LRP1B: variants seen among roughly 807,000 people sequenced by gnomAD.
LRP1B encodes LDL receptor related protein 1B, also known as low-density lipoprotein receptor-related protein 1B.
In LRP1B, 217 loss-of-function variants were observed where a neutral mutation model predicts 556.6. That is an observed-to-expected ratio of 0.39 (90% confidence interval 0.35 to 0.44). The LOEUF (loss-of-function observed/expected upper bound fraction) is 0.44. LRP1B is among the 20% of genes least tolerant of loss of function. The pLI is 1.00. For synonymous variants in LRP1B, 2,047 were observed against 1,865.8 expected (o/e 1.10, Z -2.50); for missense variants, 5,053 against 5,620.8 (o/e 0.90, Z 3.23).
chr2:141,968,137 C>A (rs1388954993), intron 1 of LRP1B, among the ~76,000 whole-genome samples: 1 of 151,782 alleles, frequency 6.6e-6, no homozygotes, highest in East Asian at 1.9e-4. Flanking sequence ...TAATCCAGTG[C>A]TAAATGTGCA....
At chr2:141,802,215 A>G (rs890664184) in intron 2 of LRP1B, among the ~76,000 whole-genome samples, 1 of 152,118 alleles carries the variant, frequency 6.6e-6, no homozygotes, top group Non-Finnish European at 1.5e-5. Context: ...AATGTGTCTC[A>G]GTTTGAGGGA....
chr2:141,954,542 A>T (rs776199171), intron 1 of LRP1B, among the ~76,000 whole-genome samples: 4 of 152,146 alleles, frequency 2.6e-5, no homozygotes, highest in Non-Finnish European at 5.9e-5. Context: ...AAATTATGGT[A>T]CTCATCTCAA....
intron 52 of LRP1B, among the ~76,000 whole-genome samples, chr2:140,507,990 T>C (rs1689492798): frequency 1.3e-5 from 2 of 152,168 alleles, no homozygotes; most frequent in Admixed American, 1.3e-4. Flanking sequence ...ATTTTAAGTA[T>C]TTAATACATG....
At chr2:141,077,270 A>C (rs926003599) in intron 7 of LRP1B, among the ~76,000 whole-genome samples, 2 of 56,716 alleles carry the variant, frequency 3.5e-5, no homozygotes, top group Admixed American at 3.9e-4. Flanking sequence ...AAACAAAAAC[A>C]AACAAACAAA....
In LRP1B at chr2:140,370,691, A is replaced by G. The variant is rs759211957; in HGVS notation, c.11008+19T>C. The G allele has an allele frequency of 9.9e-6, 16 of 1,611,438 alleles. No homozygotes were observed. The highest frequency in any genetic ancestry group is 1.3e-5 in the African/African-American group (1 of 74,788). On this transcript the variant is annotated intron_variant, in intron 71 of 90. Coordinates refer to ENST00000389484, the MANE Select transcript of LRP1B (RefSeq NM_018557.3). Reference sequence around the variant, plus strand: ...TTCATTCTCTCATTTACAGGCACACACACACAAAAATACCTTACCTCTTTC... The same window carrying G: ...TTCATTCTCTCATTTACAGGCACACGCACACAAAAATACCTTACCTCTTTC...
At chr2:141,420,929 T>C (rs1011344367) in intron 3 of LRP1B, among the ~76,000 whole-genome samples, 23 of 152,170 alleles carry the variant, frequency 1.5e-4, no homozygotes, top group Non-Finnish European at 7.3e-5. Flanking sequence ...CCTTGAAAGA[T>C]AGTAAATTGG....
intron 2 of LRP1B, among the ~76,000 whole-genome samples, chr2:141,490,400 T>TGTGTGTGTGTGTGTGTG (rs66605553): frequency 4.6e-5 from 7 of 150,990 alleles, no homozygotes; most frequent in East Asian, 3.9e-4. Flanking sequence ...TGTGTGTGTG[T>TGTGTGTGTGTGTGTGTG]TTTCTGCTAA....
chr2:140,352,938 T>G lies in LRP1B; in HGVS notation c.11650+15A>C. ...AAAATTGTAATAGGATTTGCAATAGTGGTTATAATCTTACCTTCTGCTATG... is the reference window on the plus strand; with the variant it reads ...AAAATTGTAATAGGATTTGCAATAGGGGTTATAATCTTACCTTCTGCTATG... On this transcript the variant is annotated intron_variant, in intron 76 of 90. Transcript: ENST00000389484. 6.3e-7 allele frequency: 1 copy of G among 1,599,108 alleles called. No individual in the cohort carries two copies. Among genetic ancestry groups the G allele is most frequent in the Non-Finnish European group, 8.5e-7 (1 of 1,175,156 alleles).
At chr2:140,289,547 A>G (rs1196290607) in intron 84 of LRP1B, among the ~76,000 whole-genome samples, 2 of 151,724 alleles carry the variant, frequency 1.3e-5, no homozygotes, top group African/African-American at 4.8e-5. Flanking sequence ...TTTCTAATAA[A>G]TTTCCTTTTA....
chr2:142,061,029 C>T (rs1445321044), intron 1 of LRP1B, among the ~76,000 whole-genome samples: 1 of 151,844 alleles, frequency 6.6e-6, no homozygotes, highest in Non-Finnish European at 1.5e-5. Context: ...TGAATGAAAG[C>T]AGGGCTACTA....
At chr2:141,937,934 T>C (rs994713513) in intron 1 of LRP1B, among the ~76,000 whole-genome samples, 3 of 152,330 alleles carry the variant, frequency 2.0e-5, no homozygotes, top group South Asian at 2.1e-4. Context: ...CCTGAAACAA[T>C]TTATTAGAGA....
intron 1 of LRP1B, among the ~76,000 whole-genome samples, chr2:141,941,387 C>T (rs1479463597): frequency 6.6e-6 from 1 of 152,144 alleles, no homozygotes; most frequent in African/African-American, 2.4e-5. Flanking sequence ...TCATCACTGC[C>T]CTTAGGGAGC....
chr2:140,638,464 A>G (rs570628427), intron 41 of LRP1B, among the ~76,000 whole-genome samples: 1 of 152,196 alleles, frequency 6.6e-6, no homozygotes, highest in Non-Finnish European at 1.5e-5. Flanking sequence ...TCTAAAATAG[A>G]GTATGGCACA....
At chr2:141,158,141 C>T (rs182860859) in intron 7 of LRP1B, among the ~76,000 whole-genome samples, 298 of 152,180 alleles carry the variant, frequency 2.0e-3, no homozygotes, top group Non-Finnish European at 3.3e-3. Flanking sequence ...TGACTGAAAT[C>T]ACATAAATCA....
chr2:141,049,575 C>T (rs1227496300), intron 10 of LRP1B, among the ~76,000 whole-genome samples: 1 of 152,030 alleles, frequency 6.6e-6, no homozygotes. Context: ...ATCTATCTAA[C>T]ATTTTCTGTC....
At chr2:141,984,742 T>C (rs936091548) in intron 1 of LRP1B, among the ~76,000 whole-genome samples, 10 of 152,132 alleles carry the variant, frequency 6.6e-5, no homozygotes, top group African/African-American at 2.4e-4. Flanking sequence ...CTTATTTTCT[T>C]ATAATCCACT....
At chr2:141,597,561 GT>G (rs1687569617) in intron 2 of LRP1B, among the ~76,000 whole-genome samples, 1 of 152,052 alleles carries the variant, frequency 6.6e-6, no homozygotes, top group African/African-American at 2.4e-5. Context: ...TTTGTTGCAA[GT>G]TGTGTGTTTT....
At position 140,238,203 on chromosome 2, in the gene LRP1B, A is replaced by T. The variant is rs1461038052; in HGVS notation, c.13509T>A (p.Asp4503Glu). The T allele has an allele frequency of 6.2e-7, 1 of 1,605,728 alleles. No individual in the cohort carries two copies. The change falls in exon 89 of 91, where the codon GAT becomes GAA. Residue 4503 changes from aspartate to glutamate, a missense_variant. This residue lies in a region of LRP1B where 551 missense variants were observed against 592.0 expected (regional missense o/e 0.93). Coordinates refer to ENST00000389484, the MANE Select transcript of LRP1B (RefSeq NM_018557.3). ...GATCTAAAAGACCTCCATCGTTGTGATCATGATCTACCTCATACATGTTAT... is the reference window on the plus strand; with the variant it reads ...GATCTAAAAGACCTCCATCGTTGTGTTCATGATCTACCTCATACATGTTAT... The part of the protein sequence containing the change: ...PSYNMYEVDH[D>E]HNDGGLLDPG...
chr2:140,474,204 G>A (rs1051341920), intron 60 of LRP1B, among the ~76,000 whole-genome samples: 1 of 151,940 alleles, frequency 6.6e-6, no homozygotes, highest in African/African-American at 2.4e-5. Context: ...ATTAAGTGGT[G>A]TAACTTTGGT....
Sources: gnomAD v4.1 joint callset for allele counts (sites outside exome capture counted in the v4.1 genomes callset) on GRCh38, gnomAD v4.1.1 for gene constraint, gnomAD v4.1.1 regional missense constraint, MANE v1.5 for transcripts, NCBI Gene and HGNC (gene_info 2026-07-23, HGNC 2026-07-21) for gene names.